Variants in PLCB1 observed in about 807,000 individuals in gnomAD.
PLCB1 encodes phospholipase C beta 1.
A neutral mutation model predicts 161.8 loss-of-function variants in PLCB1; 46 were observed. That is an observed-to-expected ratio of 0.28 (90% CI 0.22 to 0.36). PLCB1 has a LOEUF of 0.36. Ranked by LOEUF, PLCB1 falls within the 10% of genes least tolerant of loss-of-function variation. The pLI, the probability that PLCB1 is intolerant of heterozygous loss-of-function variation, is 1.00. For synonymous variants in PLCB1, 517 were observed against 503.7 expected (o/e 1.03, Z -0.35); for missense variants, 1,016 against 1,472.5 (o/e 0.69, Z 5.07).
chr20:8,523,902 TG>T, intron 3 of PLCB1, among the ~76,000 whole-genome samples: 1 of 152,056 alleles, frequency 6.6e-6, no homozygotes, highest in Non-Finnish European at 1.5e-5. Flanking sequence ...GAGGCCTGCA[TG>T]GGGAGCGTGT....
rs577323276 is a variant in PLCB1 at position 8,644,084 on chromosome 20, G to C, written c.385-2018G>C. Among the ~76,000 whole-genome samples the C allele has an allele frequency of 3.6e-3, 541 of 152,036 alleles. 2 individuals are homozygous for C. Among genetic ancestry groups the C allele is most frequent in the African/African-American group, 0.011 (441 of 41,456 alleles). ...GGTGCCGGGATTGCAGACGGAGTCT[G>C]GTTCACTCAGTGCTCAATGGTGCCC... On this transcript the variant is annotated intron_variant, in intron 4 of 31. Transcript: ENST00000338037.
At chr20:8,230,947 C>T (rs943038945) in intron 2 of PLCB1, among the ~76,000 whole-genome samples, 4 of 152,082 alleles carry the variant, frequency 2.6e-5, no homozygotes, top group Admixed American at 2.0e-4. Context: ...CAATGAGTTA[C>T]GTAATTTAGT....
chr20:8,550,575 CTT>C (rs1208876492), intron 3 of PLCB1, among the ~76,000 whole-genome samples: 14 of 152,110 alleles, frequency 9.2e-5, no homozygotes, highest in Admixed American at 7.2e-4. Flanking sequence ...AATTAAGCCT[CTT>C]TTCTTTATAA....
intron 31 of PLCB1, among the ~76,000 whole-genome samples, chr20:8,855,325 A>T (rs1208299314): frequency 6.6e-6 from 1 of 152,118 alleles, no homozygotes; most frequent in African/African-American, 2.4e-5. Flanking sequence ...ATGGGAGAAG[A>T]ATGCCATTAT....
chr20:8,622,556 C>T (rs1988215291), intron 3 of PLCB1, among the ~76,000 whole-genome samples: 1 of 152,164 alleles, frequency 6.6e-6, no homozygotes, highest in African/African-American at 2.4e-5. Context: ...ATAAATGCTG[C>T]AGTTTCCAGG....
chr20:8,439,137 T>C (rs1980437664), intron 3 of PLCB1, among the ~76,000 whole-genome samples: 1 of 152,178 alleles, frequency 6.6e-6, no homozygotes, highest in Admixed American at 6.5e-5. Context: ...TCAGTAAATA[T>C]TTTGACAAGA....
chr20:8,174,684 G>T (rs192030661), intron 2 of PLCB1, among the ~76,000 whole-genome samples: 88 of 152,270 alleles, frequency 5.8e-4, no homozygotes, highest in Middle Eastern at 6.8e-3. Context: ...CTAAATGAAA[G>T]TAAGATGATT....
Position 8,422,717 on chromosome 20 carries a change from A to G in PLCB1, c.246+51267A>G, listed in dbSNP as rs141577659. ...TCACCTGGTATATGGAGATATTTTT[A>G]TGGGAGGGAATAGCCATTGAGTAGG... On this transcript the variant is annotated intron_variant, in intron 3 of 31. Transcript: ENST00000338037. Among the ~76,000 whole-genome samples, 3 of 152,280 alleles carry G rather than the reference A, an allele frequency of 2.0e-5. No homozygotes were observed. In the East Asian group the frequency reaches 5.8e-4, roughly 29 times the overall value.
intron 3 of PLCB1, among the ~76,000 whole-genome samples, chr20:8,414,302 T>C (rs1979175417): frequency 6.6e-6 from 1 of 152,138 alleles, no homozygotes. Flanking sequence ...ATATAAGCCA[T>C]ATCAAATTTA....
chr20:8,142,218 A>G (rs1203932467), intron 1 of PLCB1, among the ~76,000 whole-genome samples: 1 of 152,188 alleles, frequency 6.6e-6, no homozygotes, highest in Admixed American at 6.5e-5. Context: ...GTGGGTTCAC[A>G]CAGGGGAGTG....
chr20:8,592,250 T>TA (rs1289791482), intron 3 of PLCB1, among the ~76,000 whole-genome samples: 4 of 152,230 alleles, frequency 2.6e-5, no homozygotes, highest in East Asian at 3.9e-4. Flanking sequence ...AAGTACCTAG[T>TA]AAAAAAATTG....
intron 2 of PLCB1, among the ~76,000 whole-genome samples, chr20:8,260,084 GTTTC>G (rs1981617692): frequency 6.6e-6 from 1 of 150,634 alleles, no homozygotes. Context: ...TTCATTTCTT[GTTTC>G]TTTTTTTTTC....
intron 2 of PLCB1, among the ~76,000 whole-genome samples, chr20:8,236,088 A>T (rs1004678207): frequency 6.6e-6 from 1 of 152,148 alleles, no homozygotes. Flanking sequence ...TTAATTTGAA[A>T]TTTTTTGAAG....
At chr20:8,523,490 C>CAATATATATATATATATATATA in intron 3 of PLCB1, among the ~76,000 whole-genome samples, 2 of 67,728 alleles carry the variant, frequency 3.0e-5, no homozygotes, top group Non-Finnish European at 3.0e-5. Flanking sequence ...CTCTCTCTCT[C>CAATATATATATATATATATATA]TCTCTCTATA....
At chr20:8,152,170 G>C (rs1043661429) in intron 2 of PLCB1, among the ~76,000 whole-genome samples, 2 of 152,060 alleles carry the variant, frequency 1.3e-5, no homozygotes, top group Non-Finnish European at 2.9e-5. Flanking sequence ...CCAAGAGATA[G>C]AAATAGTAAA....
At chr20:8,367,769 T>C (rs1986762689) in intron 2 of PLCB1, among the ~76,000 whole-genome samples, 1 of 152,078 alleles carries the variant, frequency 6.6e-6, no homozygotes, top group Non-Finnish European at 1.5e-5. Flanking sequence ...CACGAGAAAA[T>C]TAACCTAGAA....
intron 3 of PLCB1, among the ~76,000 whole-genome samples, chr20:8,437,993 T>A (rs1317702249): frequency 1.3e-5 from 2 of 152,192 alleles, no homozygotes; most frequent in African/African-American, 4.8e-5. Context: ...ATAAAAAAAG[T>A]CTATTTTATG....
intron 2 of PLCB1, among the ~76,000 whole-genome samples, chr20:8,167,290 T>G (rs927787443): frequency 1.3e-5 from 2 of 152,128 alleles, no homozygotes; most frequent in Non-Finnish European, 2.9e-5. Flanking sequence ...GTTGGAGGAG[T>G]GACTGCAGTG....
chr20:8,862,994 T>C (rs975675716), intron 31 of PLCB1, among the ~76,000 whole-genome samples: 2 of 152,214 alleles, frequency 1.3e-5, no homozygotes, highest in African/African-American at 4.8e-5. Context: ...AAGCCCAGCA[T>C]GGAATTCTGG....
Sources: gnomAD v4.1 joint callset for allele counts (sites outside exome capture counted in the v4.1 genomes callset) on GRCh38, gnomAD v4.1.1 for gene constraint, MANE v1.5 for transcripts, NCBI Gene and HGNC (gene_info 2026-07-23, HGNC 2026-07-21) for gene names.